The following PSPC1 variants were observed in gnomAD, a reference collection of about 807,000 sequenced individuals.
PSPC1 encodes paraspeckle protein 1.
PSPC1 carries 14 observed loss-of-function variants against 51.6 expected under a neutral mutation model. That is an observed-to-expected ratio of 0.27 (90% CI 0.18 to 0.42). PSPC1 has a LOEUF of 0.42. PSPC1 is among the 10% of genes least tolerant of loss of function. PSPC1 has a pLI of 1.00. For synonymous variants in PSPC1, 193 were observed against 231.9 expected (o/e 0.83, Z 1.53); for missense variants, 406 against 701.1 (o/e 0.58, Z 4.75).
intron 1 of PSPC1, among the ~76,000 whole-genome samples, chr13:19,776,330 G>A (rs567946989): frequency 1.3e-5 from 2 of 152,132 alleles, no homozygotes; most frequent in South Asian, 4.1e-4. Context: ...GCTGGGTGTG[G>A]TGGTGTGTGC....
intron 1 of PSPC1, among the ~76,000 whole-genome samples, chr13:19,777,213 T>C (rs1353354916): frequency 2.0e-5 from 3 of 149,250 alleles, no homozygotes; most frequent in African/African-American, 7.4e-5. Flanking sequence ...GTGGATCACC[T>C]GAGGTCAGGA....
At chr13:19,776,831 C>T (rs888818198) in intron 1 of PSPC1, among the ~76,000 whole-genome samples, 1 of 148,758 alleles carries the variant, frequency 6.7e-6, no homozygotes, top group African/African-American at 2.5e-5. Flanking sequence ...TTTTAAAACC[C>T]TAAAAAATAA....
chr13:19,693,629 A>C (rs1320297304), intron 6 of PSPC1, among the ~76,000 whole-genome samples: 3 of 152,238 alleles, frequency 2.0e-5, no homozygotes, highest in Non-Finnish European at 4.4e-5. Flanking sequence ...GACTTAAAAC[A>C]TATGCTTAAA....
chr13:19,724,813 A>C (rs1289149352), intron 6 of PSPC1, among the ~76,000 whole-genome samples: 1 of 152,150 alleles, frequency 6.6e-6, no homozygotes, highest in Non-Finnish European at 1.5e-5. Context: ...ATCCTGGCCA[A>C]CATGGTGAAA....
intron 5 of PSPC1, among the ~76,000 whole-genome samples, 157 bp downstream of exon 5, chr13:19,741,408 T>C (rs1351263154): frequency 6.6e-6 from 1 of 152,168 alleles, no homozygotes; most frequent in East Asian, 1.9e-4. Flanking sequence ...CAGCAAAGAA[T>C]TATGCTACAT....
At chr13:19,689,683 C>G (rs140621971) in intron 6 of PSPC1, among the ~76,000 whole-genome samples, 2 of 152,276 alleles carry the variant, frequency 1.3e-5, no homozygotes, top group East Asian at 3.9e-4. Context: ...TACTATAAAA[C>G]AGAGAGCCCA....
At chr13:19,688,691 C>A (rs1878210764) in intron 6 of PSPC1, among the ~76,000 whole-genome samples, 1 of 152,168 alleles carries the variant, frequency 6.6e-6, no homozygotes, top group Non-Finnish European at 1.5e-5. Context: ...AGCTTATATT[C>A]CATGCCACCC....
At chr13:19,751,073 AAACT>A (rs1431890205) in intron 4 of PSPC1, among the ~76,000 whole-genome samples, 194 bp downstream of exon 4, 1 of 152,156 alleles carries the variant, frequency 6.6e-6, no homozygotes, top group East Asian at 1.9e-4. Flanking sequence ...CCGTCAAGTA[AAACT>A]AACTTTTAGT....
chr13:19,735,830 A>AT lies in PSPC1; in HGVS notation c.1053-5487dup, dbSNP rs968077169. ...TACTGCAAAACTACTCAAAAAAAAA[A>AT]TTTTTTTTTTGAGACGCAGTCCCCT... On this transcript the variant is annotated intron_variant, in intron 5 of 8. Transcript: ENST00000338910. Among the ~76,000 whole-genome samples the AT allele has an allele frequency of 2.1e-3, 310 of 150,068 alleles. 1 individual carries two copies. The highest frequency in any genetic ancestry group is 7.2e-3 in the African/African-American group (295 of 40,978).
chr13:19,708,281 A>G (rs1404153657), intron 7 of PSPC1, among the ~76,000 whole-genome samples: 1 of 152,206 alleles, frequency 6.6e-6, no homozygotes, highest in Non-Finnish European at 1.5e-5. Context: ...AACACACTTG[A>G]TTTTGTAAAT....
At chr13:19,707,039 G>T (rs985008557) in intron 7 of PSPC1, among the ~76,000 whole-genome samples, 2 of 152,032 alleles carry the variant, frequency 1.3e-5, no homozygotes, top group Admixed American at 6.6e-5. Flanking sequence ...CTACAATCTA[G>T]ACATGAAGAG....
chr13:19,782,259 A>G lies in PSPC1; in HGVS notation c.372+127T>C. On this transcript the variant is annotated intron_variant, in intron 1 of 8. Transcript: ENST00000338910. This position sits in a 1 kb window ranked among gnomAD's most constrained non-coding sequence, Gnocchi z 4.5. The stretch of plus-strand genomic sequence containing the variant: ...CCAACCCCGCACAGAGGAATCGATG[A>G]GGCCGAGCGGCGCCACGGTTGCCAC... The G allele has an allele frequency of 7.3e-7, 1 of 1,372,010 alleles. No homozygotes were observed. Among genetic ancestry groups the G allele is most frequent in the Non-Finnish European group, 9.5e-7 (1 of 1,048,380 alleles). 85.0% of individuals were successfully genotyped at this position (1,372,010 alleles called of 1,614,324 possible). A position where few individuals can be genotyped will look rare whatever the true frequency, so the allele number is the denominator to read the frequency against.
chr13:19,726,695 A>G (rs902104697), intron 6 of PSPC1, among the ~76,000 whole-genome samples: 6 of 152,214 alleles, frequency 3.9e-5, no homozygotes, highest in African/African-American at 1.2e-4. Context: ...GCTTGAGCCC[A>G]GCCTGGGCAA....
At chr13:19,721,506 C>T (rs1298758961) in intron 6 of PSPC1, among the ~76,000 whole-genome samples, 1 of 152,092 alleles carries the variant, frequency 6.6e-6, no homozygotes, top group Non-Finnish European at 1.5e-5. Context: ...GAATAATAAA[C>T]AAATCACATC....
chr13:19,671,803 T>G, downstream of PSPC1: 1 of 1,611,422 alleles, frequency 6.2e-7, no homozygotes, highest in Non-Finnish European at 8.5e-7. Flanking sequence ...TCTGGATCTG[T>G]ACTGACACCT....
At chr13:19,737,337 A>C (rs1190558235) in intron 5 of PSPC1, 1 of 152,196 alleles carries the variant, frequency 6.6e-6, no homozygotes, top group African/African-American at 2.4e-5. Flanking sequence ...AGTCTCCAAC[A>C]GTCTGTAACA....
intron 5 of PSPC1, among the ~76,000 whole-genome samples, chr13:19,736,367 T>C (rs1164456936): frequency 6.6e-6 from 1 of 151,690 alleles, no homozygotes; most frequent in East Asian, 1.9e-4. Context: ...GATTACATAA[T>C]AAAAAAAATC....
chr13:19,765,433 T>G (rs1887979274), intron 2 of PSPC1, among the ~76,000 whole-genome samples: 1 of 149,530 alleles, frequency 6.7e-6, no homozygotes, highest in African/African-American at 2.4e-5. Flanking sequence ...GATCTGATAA[T>G]GATATCTTAG....
chr13:19,760,215 T>C (rs867957202), intron 2 of PSPC1, among the ~76,000 whole-genome samples: 1 of 152,260 alleles, frequency 6.6e-6, no homozygotes, highest in East Asian at 1.9e-4. Context: ...TATCTATCAG[T>C]ATTGTTCAGA....
Sources: gnomAD v4.1 joint callset for allele counts (sites outside exome capture counted in the v4.1 genomes callset) on GRCh38, gnomAD v4.1.1 for gene constraint, Gnocchi (gnomAD v3.1) non-coding constraint, MANE v1.5 for transcripts, NCBI Gene and HGNC (gene_info 2026-07-23, HGNC 2026-07-21) for gene names.